The following ARHGAP20 variants were observed in gnomAD, a reference collection of about 807,000 sequenced individuals.
ARHGAP20 encodes the protein rho GTPase-activating protein 20.
In ARHGAP20, 34 loss-of-function variants were observed where a neutral mutation model predicts 73.7. The observed-to-expected ratio is 0.46, with a 90% CI of 0.35 to 0.61. ARHGAP20 has a LOEUF of 0.61. Among genes scored for constraint, ARHGAP20 ranks in the 20% least tolerant of loss-of-function variants. The pLI is 0.00. For synonymous variants in ARHGAP20, 523 were observed against 518.2 expected (o/e 1.01, Z -0.13); for missense variants, 1,314 against 1,420.9 (o/e 0.92, Z 1.21).
At chr11:110,699,710 A>G (rs183308376) in intron 1 of ARHGAP20, among the ~76,000 whole-genome samples, 89 of 151,774 alleles carry the variant, frequency 5.9e-4, no homozygotes, top group Admixed American at 5.5e-3. Flanking sequence ...GAGGATGGCT[A>G]CTCCTGCTCA....
intron 9 of ARHGAP20, among the ~76,000 whole-genome samples, chr11:110,604,114 T>C (rs544170833): frequency 2.0e-5 from 3 of 152,322 alleles, no homozygotes; most frequent in South Asian, 2.1e-4. Context: ...ATATCCTTGA[T>C]TTGCAATACT....
rs796900839 is a variant in ARHGAP20, at chr11:110,617,736, A to T, written c.504-2142T>A. Among the ~76,000 whole-genome samples the T allele has an allele frequency of 8.5e-5, 13 of 152,144 alleles. 1 individual carries two copies. Among genetic ancestry groups the T allele is most frequent in the African/African-American group, 3.1e-4 (13 of 41,504 alleles). ...AATCCAGGACTCCCTTTCTTTAGTA[A>T]TTCTTAATCTCAGGCATTTTTACAG... is the stretch of plus-strand genomic sequence containing the variant. On this transcript the variant is annotated intron_variant, in intron 4 of 14. Transcript: ENST00000683387.
intron 2 of ARHGAP20, among the ~76,000 whole-genome samples, chr11:110,669,505 T>A (rs1191185017): frequency 1.3e-5 from 2 of 150,964 alleles, no homozygotes; most frequent in East Asian, 3.9e-4. Context: ...TGAGGAGATG[T>A]GAACTGGCTC....
At chr11:110,653,978 CACTT>C (rs1200973084) in intron 2 of ARHGAP20, among the ~76,000 whole-genome samples, 1 of 152,062 alleles carries the variant, frequency 6.6e-6, no homozygotes, top group Non-Finnish European at 1.5e-5. Context: ...TCCATGTTCT[CACTT>C]ATAAGTGAGA....
At chr11:110,610,779 T>C (rs1186767517) in intron 7 of ARHGAP20, among the ~76,000 whole-genome samples, 1 of 152,170 alleles carries the variant, frequency 6.6e-6, no homozygotes, top group Non-Finnish European at 1.5e-5. Flanking sequence ...AATTCAAAGC[T>C]TGTCTTTTTA....
At position 110,712,413 on chromosome 11, in the gene ARHGAP20, G is replaced by A. The variant is rs1950688268; in HGVS notation, c.-182C>T. 1 of 322,622 alleles carries A rather than the reference G, an allele frequency of 3.1e-6. No homozygotes were observed. The highest frequency in any genetic ancestry group is 5.4e-6 in the Non-Finnish European group (1 of 183,578). 20.0% of individuals were successfully genotyped at this position (322,622 alleles called of 1,614,324 possible). A position where few individuals can be genotyped will look rare whatever the true frequency, so the allele number is the denominator to read the frequency against. On this transcript the variant is annotated 5_prime_UTR_variant, in exon 1 of 15. Coordinates refer to ENST00000683387, the MANE Select transcript of ARHGAP20 (RefSeq NM_001384657.1). The stretch of plus-strand genomic sequence containing the variant: ...GGGCCATGTACCTCCGCCTGCGCTC[G>A]ACACCGCGGGCTGGAGGCGAGTGCA...
At chr11:110,705,721 A>T (rs1377038470) in intron 1 of ARHGAP20, among the ~76,000 whole-genome samples, 1 of 152,196 alleles carries the variant, frequency 6.6e-6, no homozygotes, top group African/African-American at 2.4e-5. Context: ...GTGATATAAA[A>T]GTTAACTGAG....
At chr11:110,592,230 G>T in intron 9 of ARHGAP20, 75 bp from the exon 10 acceptor site, 1 of 1,412,702 alleles carries the variant, frequency 7.1e-7, no homozygotes, top group South Asian at 1.4e-5. Context: ...CCATTTTATG[G>T]TATGTTTGTT....
At chr11:110,611,735 G>T (rs1591314582) in intron 6 of ARHGAP20, among the ~76,000 whole-genome samples, 1 of 152,072 alleles carries the variant, frequency 6.6e-6, no homozygotes, top group African/African-American at 2.4e-5. Context: ...TTCCATAATT[G>T]TATTTCCATA....
intron 2 of ARHGAP20, among the ~76,000 whole-genome samples, chr11:110,675,177 T>A (rs1209513342): frequency 6.6e-6 from 1 of 152,214 alleles, no homozygotes; most frequent in Non-Finnish European, 1.5e-5. Flanking sequence ...TCCAATCAGT[T>A]ATTTGATAGA....
At chr11:110,711,777 G>A (rs1950663796) in intron 1 of ARHGAP20, 4 of 1,354,346 alleles carry the variant, frequency 3.0e-6, no homozygotes, top group Non-Finnish European at 3.8e-6. Context: ...GGGGCACGGC[G>A]AGGGGTCGGG....
chr11:110,635,488 ATT>A (rs1348947648), intron 2 of ARHGAP20, among the ~76,000 whole-genome samples: 4 of 152,152 alleles, frequency 2.6e-5, no homozygotes, highest in African/African-American at 9.6e-5. Context: ...ACAATAGTGT[ATT>A]CCAAGTAAGT....
chr11:110,644,345 C>T (rs1031516879), intron 2 of ARHGAP20, among the ~76,000 whole-genome samples: 1 of 152,000 alleles, frequency 6.6e-6, no homozygotes, highest in Admixed American at 6.6e-5. Flanking sequence ...ACGAAATAGT[C>T]AAAGCAATCC....
At chr11:110,583,300 T>C (rs760669801) in intron 13 of ARHGAP20, among the ~76,000 whole-genome samples, 1 of 152,188 alleles carries the variant, frequency 6.6e-6, no homozygotes, top group Non-Finnish European at 1.5e-5. Context: ...AAAAATCTTA[T>C]CAGCTGCTTT....
chr11:110,713,137 A>C (rs1950707868), upstream of ARHGAP20: 1 of 152,300 alleles, frequency 6.6e-6, no homozygotes, highest in South Asian at 2.1e-4. Context: ...AATGAAGGAA[A>C]ATGCAGACAG....
chr11:110,637,711 A>C (rs1948996754), intron 2 of ARHGAP20, among the ~76,000 whole-genome samples: 1 of 152,078 alleles, frequency 6.6e-6, no homozygotes, highest in African/African-American at 2.4e-5. Flanking sequence ...GATGATAAAC[A>C]AGTGATGTAA....
In ARHGAP20 at chr11:110,577,546, C is replaced by G; in HGVS notation, c.*1824G>C. ...AGAGCTTCATTCACATCTTGCAGTT[C>G]TGACTGACAGTAGTATGCCCTAAGG... is the stretch of plus-strand genomic sequence containing the variant. On this transcript the variant is annotated 3_prime_UTR_variant, in exon 15 of 15. Transcript: ENST00000683387. 1.0e-6 allele frequency: 1 copy of G among 991,284 alleles called. No individual in the cohort carries two copies. The highest frequency in any genetic ancestry group is 1.2e-6 in the Non-Finnish European group (1 of 834,264). 61.4% of individuals were successfully genotyped at this position (991,284 alleles called of 1,614,324 possible). A position where few individuals can be genotyped will look rare whatever the true frequency, so the allele number is the denominator to read the frequency against.
intron 10 of ARHGAP20, among the ~76,000 whole-genome samples, chr11:110,591,663 GA>G (rs747111274): frequency 6.6e-6 from 1 of 152,224 alleles, no homozygotes; most frequent in African/African-American, 2.4e-5. Flanking sequence ...AATGATCAAA[GA>G]AGACTTTGAG....
intron 7 of ARHGAP20, among the ~76,000 whole-genome samples, chr11:110,610,374 T>C (rs2134886566): frequency 6.6e-6 from 1 of 152,270 alleles, no homozygotes; most frequent in East Asian, 1.9e-4. Context: ...GCTCCTTGAA[T>C]GATGTAACGT....
Sources: gnomAD v4.1 joint callset for allele counts (sites outside exome capture counted in the v4.1 genomes callset) on GRCh38, gnomAD v4.1.1 for gene constraint, MANE v1.5 for transcripts, NCBI Gene and HGNC (gene_info 2026-07-23, HGNC 2026-07-21) for gene names.